Variants in RNF19B observed in about 807,000 individuals in gnomAD.
RNF19B encodes the protein ring finger protein 19B.
A neutral mutation model predicts 65.5 loss-of-function variants in RNF19B; 23 were observed. The ratio of observed to expected loss-of-function variants is 0.35; its 90% CI spans 0.25 to 0.50. The LOEUF is 0.50. RNF19B is among the 20% of genes least tolerant of loss of function. The pLI, the probability that RNF19B is intolerant of heterozygous loss-of-function variation, is 0.98. For missense variants in RNF19B, 794 were observed against 980.0 expected, an observed-to-expected ratio of 0.81 and a Z score of 2.53; for synonymous variants, 372 against 379.6, an observed-to-expected ratio of 0.98 and a Z score of 0.23.
In RNF19B at chr1:32,937,206, T is replaced by C. The variant is rs372584778; in HGVS notation, c.1796A>G (p.Tyr599Cys). 1.2e-5 allele frequency: 20 copies of C among 1,614,056 alleles called. No individual in the cohort carries two copies. The highest frequency in any genetic ancestry group is 2.2e-5 in the East Asian group (1 of 44,900). Reference sequence around the variant, plus strand: ...CGTGCTGCTTCCACTCACCAGCTGATAGTGGCTTGGTTTGGCTTCAATGTC... The same window carrying C: ...CGTGCTGCTTCCACTCACCAGCTGACAGTGGCTTGGTTTGGCTTCAATGTC... ...QVDIEAKPSH[Y>C]QLVSGSSTED... The change falls in exon 9 of 9, where the codon TAT becomes TGT. Residue 599 changes from tyrosine to cysteine, a missense_variant. By Grantham distance (194) the Tyr-to-Cys change is radical (BLOSUM62 -2). Coordinates refer to ENST00000235150, the MANE Select transcript of RNF19B (RefSeq NM_001300826.2).
At chr1:32,951,061 T>A (rs559024063) in intron 1 of RNF19B, among the ~76,000 whole-genome samples, 1 of 152,158 alleles carries the variant, frequency 6.6e-6, no homozygotes, top group African/African-American at 2.4e-5. Context: ...ATGGTCTCGA[T>A]CTCTTGACCT....
chr1:32,934,927 A>C (rs147501578), downstream of RNF19B, among the ~76,000 whole-genome samples: 1 of 151,632 alleles, frequency 6.6e-6, no homozygotes, highest in African/African-American at 2.4e-5. Flanking sequence ...CCGCCTCCCG[A>C]GTTCAAGTGA....
In RNF19B at chr1:32,964,436, G is replaced by C; in HGVS notation, c.250C>G (p.Pro84Ala). 4.4e-6 allele frequency: 5 copies of C among 1,143,584 alleles called. No homozygotes were observed. Among genetic ancestry groups the C allele is most frequent in the Non-Finnish European group, 5.4e-6 (5 of 933,402 alleles). The allele number at this position is 1,143,584 out of a possible 1,614,324, so 70.8% of individuals were successfully genotyped here. The change falls in exon 1 of 9, where the codon CCG (proline) becomes GCG (alanine). Residue 84 changes from proline (P) to alanine (A), a missense_variant. This residue lies in a region of RNF19B where 374 missense variants were observed against 423.8 expected (regional missense o/e 0.88). Transcript: ENST00000235150. This position sits in a 1 kb window ranked among gnomAD's most constrained non-coding sequence, Gnocchi z 6.5. ...GCCTCCGCCTCGGCCTCGGCGGCCG[G>C]CTCGGCGGGCAGCGCCTCGGGCGGC... ...GPPPEALPAE[P>A]AAEAEAEAAA...
chr1:32,929,078 C>T, the RNF19B span, among the ~76,000 whole-genome samples: 1 of 152,166 alleles, frequency 6.6e-6, no homozygotes, highest in Non-Finnish European at 1.5e-5. Context: ...GTTCAGGAAG[C>T]TAGAAGTCCT....
intron 1 of RNF19B, 78 bp from the exon 2 acceptor site, chr1:32,949,852 CAAT>C: frequency 9.1e-7 from 1 of 1,099,556 alleles, no homozygotes; most frequent in Non-Finnish European, 1.3e-6. Context: ...TCAGAGTTAA[CAAT>C]GTTTGGCACT....
intron 1 of RNF19B, among the ~76,000 whole-genome samples, chr1:32,951,021 T>C (rs1410063384): frequency 6.6e-6 from 1 of 151,888 alleles, no homozygotes; most frequent in African/African-American, 2.4e-5. Flanking sequence ...TGTATTTTTG[T>C]AGAGATAGGG....
At chr1:32,944,678 A>G (rs1642322219) in intron 5 of RNF19B, among the ~76,000 whole-genome samples, 1 of 152,084 alleles carries the variant, frequency 6.6e-6, no homozygotes, top group African/African-American at 2.4e-5. Context: ...GACCTTGGGA[A>G]AATTACTGCA....
At chr1:32,947,939 T>C (rs1038392964) in intron 3 of RNF19B, among the ~76,000 whole-genome samples, 3 of 152,030 alleles carry the variant, frequency 2.0e-5, no homozygotes, top group Non-Finnish European at 1.5e-5. Context: ...TACTGGAAGG[T>C]AGGCAGAAAG....
chr1:32,935,694 T>A (rs1471957155), downstream of RNF19B, among the ~76,000 whole-genome samples: 1 of 152,178 alleles, frequency 6.6e-6, no homozygotes, highest in Non-Finnish European at 1.5e-5. Context: ...CGCATCAGTG[T>A]ATTTCTTCCT....
intron 1 of RNF19B, among the ~76,000 whole-genome samples, chr1:32,959,196 T>C (rs573506746): frequency 2.0e-5 from 3 of 152,112 alleles, no homozygotes; most frequent in African/African-American, 7.2e-5. Context: ...TGGGATCAGG[T>C]GGGAGGAAGG....
intron 6 of RNF19B, 97 bp from the exon 7 acceptor site, chr1:32,942,556 T>C (rs148150899): frequency 1.4e-4 from 135 of 977,354 alleles, no homozygotes; most frequent in Middle Eastern, 5.3e-4. Context: ...CTAATGTATT[T>C]ACTTAATGAA....
intron 1 of RNF19B, among the ~76,000 whole-genome samples, chr1:32,961,307 A>C (rs980692935): frequency 6.6e-6 from 1 of 152,178 alleles, no homozygotes; most frequent in Non-Finnish European, 1.5e-5. Flanking sequence ...AATGAAATGC[A>C]CCCAAGCAGC....
the RNF19B span, among the ~76,000 whole-genome samples, chr1:32,929,481 A>T: frequency 1.3e-5 from 2 of 152,202 alleles, no homozygotes; most frequent in Non-Finnish European, 2.9e-5. Context: ...TGGACCACAA[A>T]GGCTTTTTAG....
At position 32,964,597 on chromosome 1, in the gene RNF19B, C is replaced by T; in HGVS notation, c.89G>A (p.Arg30His). The change falls in exon 1 of 9, where the codon CGC (arginine) becomes CAC (histidine). Residue 30 changes from arginine (R) to histidine (H), a missense_variant. Arg to His is a conservative substitution (Grantham distance 29). This residue lies in a region of RNF19B where 374 missense variants were observed against 423.8 expected (regional missense o/e 0.88). Transcript: ENST00000235150. The surrounding 1 kb of genome is among the most constrained non-coding windows in gnomAD (Gnocchi z 6.5). ...GACGCTGTGCAAGGTGAGGCGCCGG[C>T]GCCGGCCGCCGCTGCGGCACTTAGG... ...PDPKCRSGGR[R>H]RRLTLHSVFS... The T allele has an allele frequency of 1.4e-6, 2 of 1,451,590 alleles. No homozygotes were observed. Among genetic ancestry groups the T allele is most frequent in the Non-Finnish European group, 1.8e-6 (2 of 1,105,006 alleles). The allele number at this position is 1,451,590 out of a possible 1,614,324, so 89.9% of individuals were successfully genotyped here. A position where few individuals can be genotyped will look rare whatever the true frequency, so the allele number is the denominator to read the frequency against.
chr1:32,947,451 G>A (rs933950381), intron 3 of RNF19B, among the ~76,000 whole-genome samples: 5 of 152,142 alleles, frequency 3.3e-5, no homozygotes, highest in African/African-American at 1.2e-4. Flanking sequence ...CCTGAGGTTC[G>A]AGTTCGAGAC....
chr1:32,944,706 T>C (rs1337533982), intron 5 of RNF19B, among the ~76,000 whole-genome samples: 3 of 152,076 alleles, frequency 2.0e-5, no homozygotes, highest in East Asian at 1.9e-4. Flanking sequence ...TTTTTTTTTT[T>C]GAGACGGAGT....
At position 32,944,166 on chromosome 1, in the gene RNF19B, G is replaced by A. The variant is rs770585952; in HGVS notation, c.1262-7C>T. 32 of 1,606,712 alleles carry A rather than the reference G, an allele frequency of 2.0e-5. No individual in the cohort carries two copies. In the Admixed American group the frequency reaches 5.3e-4, roughly 27 times the overall value. On this transcript the variant is annotated splice_region_variant and splice_polypyrimidine_tract_variant and intron_variant, in intron 5 of 8. Coordinates refer to ENST00000235150, the MANE Select transcript of RNF19B (RefSeq NM_001300826.2). ...ATAATGGGGACACCAATACCTGGGG[G>A]AAGAGAAGGAAACATGTCAGCTGGC...
At chr1:32,943,039 G>A (rs924662918) in intron 6 of RNF19B, among the ~76,000 whole-genome samples, 3 of 151,750 alleles carry the variant, frequency 2.0e-5, no homozygotes, top group Non-Finnish European at 4.4e-5. Context: ...TACTCGGGAG[G>A]CTGAGGCAGG....
chr1:32,948,317 C>G lies in RNF19B; in HGVS notation c.888G>C (p.Met296Ile). The G allele has an allele frequency of 1.2e-6, 2 of 1,614,100 alleles. No homozygotes were observed. Among genetic ancestry groups the G allele is most frequent in the Non-Finnish European group, 1.7e-6 (2 of 1,179,966 alleles). ...TCATGTGATTACAGCTTCCATCATT[C>G]ATCTTGATAATGTATGCACTGCATC... ...CPRCSAYIIKMNDGSCNHMTC... is the reference protein window; with the variant it reads ...CPRCSAYIIKINDGSCNHMTC... Residue 296 changes from methionine to isoleucine, a missense_variant, in exon 3 of 9, where the codon ATG becomes ATC. Coordinates refer to ENST00000235150, the MANE Select transcript of RNF19B (RefSeq NM_001300826.2).
Sources: allele counts gnomAD v4.1 joint callset (sites outside exome capture counted in the v4.1 genomes callset), GRCh38; gene constraint gnomAD v4.1.1; regional missense constraint gnomAD v4.1.1; non-coding constraint Gnocchi (gnomAD v3.1); transcripts MANE v1.5; gene names NCBI Gene and HGNC (gene_info 2026-07-23, HGNC 2026-07-21).